Variants in COL23A1 observed in about 807,000 individuals in gnomAD.
COL23A1 encodes the protein collagen alpha-1(XXIII) chain.
In COL23A1, 97 loss-of-function variants were observed where a neutral mutation model predicts 99.3. The observed-to-expected ratio is 0.98, with a 90% CI of 0.83 to 1.16. The LOEUF (loss-of-function observed/expected upper bound fraction) is 1.16, where lower values mean the gene tolerates loss of function less well. Among genes scored for constraint, COL23A1 ranks in the 50% most tolerant of loss-of-function variants. The pLI, the probability that COL23A1 is intolerant of heterozygous loss-of-function variation, is 0.00. For missense variants in COL23A1, 762 were observed against 757.4 expected, an observed-to-expected ratio of 1.01 and a Z score of -0.07; for synonymous variants, 320 against 308.2, an observed-to-expected ratio of 1.04 and a Z score of -0.40.
At chr5:178,507,799 G>A (rs1290694077) in intron 2 of COL23A1, among the ~76,000 whole-genome samples, 2 of 152,150 alleles carry the variant, frequency 1.3e-5, no homozygotes. Context: ...GTGTTGATGT[G>A]GATTTCTTTT....
At chr5:178,249,716 A>ACACACACACTCT in intron 18 of COL23A1, among the ~76,000 whole-genome samples, 108 of 92,800 alleles carry the variant, frequency 1.2e-3, no homozygotes, top group African/African-American at 4.5e-3. Context: ...ACACACACAC[A>ACACACACACTCT]CTCTCTCTCT....
At chr5:178,472,357 C>T (rs1239857719) in intron 2 of COL23A1, among the ~76,000 whole-genome samples, 2 of 152,022 alleles carry the variant, frequency 1.3e-5, no homozygotes, top group Admixed American at 1.3e-4. Context: ...CTCCTGGGGC[C>T]CAGAGCAGGT....
At position 178,256,927 on chromosome 5, in the gene COL23A1, C is replaced by G; in HGVS notation, c.776G>C (p.Gly259Ala). The G allele has an allele frequency of 6.2e-7, 1 of 1,613,414 alleles. No individual in the cohort carries two copies. The highest frequency in any genetic ancestry group is 8.5e-7 in the Non-Finnish European group (1 of 1,179,810). The change falls in exon 14 of 29, where the codon GGC becomes GCC. Residue 259 changes from glycine (G) to alanine (A), a missense_variant and splice_region_variant. Transcript: ENST00000390654. Reference sequence around the variant, plus strand: ...CCGAGGCCCCATGCTCCCTGGCTCGCCCTGAAACAGACACAGCTGCAGTGA... The same window carrying G: ...CCGAGGCCCCATGCTCCCTGGCTCGGCCTGAAACAGACACAGCTGCAGTGA... ...PSQPGPPGPK[G>A]EPGSMGPRGE... is the part of the protein sequence containing the mutation.
In COL23A1 at chr5:178,590,102, C is replaced by A; in HGVS notation, c.96G>T (p.Gly32=). The stretch of plus-strand genomic sequence containing the variant: ...GGCACAGCGCGCTCACCGCCCGGGA[C>A]CCGGCCGTCGTCGCCGAGCGCCCTC... ...GGGGRSATTA[G]SRAVSALCLL... The change falls in exon 1 of 29, where the codon GGG becomes GGT. Residue 32 remains glycine, a synonymous_variant. Coordinates refer to ENST00000390654, the MANE Select transcript of COL23A1 (RefSeq NM_173465.4). This position sits in a 1 kb window ranked among gnomAD's most constrained non-coding sequence, Gnocchi z 5.7. 1.6e-6 allele frequency: 2 copies of A among 1,266,194 alleles called. No homozygotes were observed. The highest frequency in any genetic ancestry group is 2.6e-5 in the South Asian group (1 of 38,366). The allele number at this position is 1,266,194 out of a possible 1,614,324, so 78.4% of individuals were successfully genotyped here. A position where few individuals can be genotyped will look rare whatever the true frequency, so the allele number is the denominator to read the frequency against.
chr5:178,436,919 G>A (rs1227434079), intron 2 of COL23A1, among the ~76,000 whole-genome samples: 2 of 152,122 alleles, frequency 1.3e-5, no homozygotes, highest in Admixed American at 6.5e-5. Context: ...AGCTGGGGTC[G>A]ACCTGGCCTG....
Position 178,365,114 on chromosome 5 carries a change from C to T in COL23A1, c.362-58195G>A, listed in dbSNP as rs1411205935. Reference sequence around the variant, plus strand: ...CTTTGTAATTTCTCTTTGGGGTGGGCTTTATGATGTTGCTGTGTGTGCGTG... The same window carrying T: ...CTTTGTAATTTCTCTTTGGGGTGGGTTTTATGATGTTGCTGTGTGTGCGTG... On this transcript the variant is annotated intron_variant, in intron 2 of 28. Coordinates refer to ENST00000390654, the MANE Select transcript of COL23A1 (RefSeq NM_173465.4). The surrounding 1 kb of genome is among the most constrained non-coding windows in gnomAD (Gnocchi z 5.2). 6.7e-6 allele frequency among the ~76,000 whole-genome samples: 1 copy of T among 149,016 alleles called. No individual in the cohort carries two copies. Among genetic ancestry groups the T allele is most frequent in the Non-Finnish European group, 1.5e-5 (1 of 67,362 alleles).
intron 2 of COL23A1, among the ~76,000 whole-genome samples, chr5:178,409,428 A>G (rs982240733): frequency 6.6e-6 from 1 of 152,218 alleles, no homozygotes; most frequent in Admixed American, 6.5e-5. Flanking sequence ...GAGGTTGGAG[A>G]TGTTAGGAAC....
chr5:178,357,612 C>T (rs1248301453), intron 2 of COL23A1, among the ~76,000 whole-genome samples: 1 of 152,236 alleles, frequency 6.6e-6, no homozygotes, highest in Non-Finnish European at 1.5e-5. Context: ...TGATGGGTAT[C>T]ACCCTTGCTT....
intron 2 of COL23A1, among the ~76,000 whole-genome samples, chr5:178,419,460 C>T (rs962393494): frequency 6.6e-6 from 1 of 152,204 alleles, no homozygotes; most frequent in Non-Finnish European, 1.5e-5. Context: ...CTCGGCACCA[C>T]GACCTGAATT....
At chr5:178,254,257 C>T (rs2033202) in intron 16 of COL23A1, among the ~76,000 whole-genome samples, 43,579 of 148,950 alleles carry the variant, frequency 0.29, 6,970 homozygotes, top group African/African-American at 0.44. Context: ...ATGTGCCTGC[C>T]GTCTGGGCCA....
intron 18 of COL23A1, among the ~76,000 whole-genome samples, chr5:178,249,716 A>ACACTCACTCTCTCTCT: frequency 0.027 from 2,541 of 92,778 alleles, 42 homozygotes; most frequent in East Asian, 0.046. Context: ...ACACACACAC[A>ACACTCACTCTCTCTCT]CTCTCTCTCT....
chr5:178,487,440 C>T (rs2127963082), intron 2 of COL23A1, among the ~76,000 whole-genome samples: 1 of 152,198 alleles, frequency 6.6e-6, no homozygotes, highest in South Asian at 2.1e-4. Flanking sequence ...CTGCCTCAGC[C>T]TCCTGAGTAG....
chr5:178,408,187 T>C (rs575929327), intron 2 of COL23A1, among the ~76,000 whole-genome samples: 1 of 152,186 alleles, frequency 6.6e-6, no homozygotes, highest in Non-Finnish European at 1.5e-5. Flanking sequence ...TTTTTTCAAG[T>C]GCTCAAAGAA....
chr5:178,458,522 A>T (rs1218695017), intron 2 of COL23A1, among the ~76,000 whole-genome samples: 1 of 152,026 alleles, frequency 6.6e-6, no homozygotes, highest in Non-Finnish European at 1.5e-5. Context: ...CTATAATTCC[A>T]GCTACTCAGG....
chr5:178,492,362 G>A (rs1366253530), intron 2 of COL23A1, among the ~76,000 whole-genome samples: 3 of 152,104 alleles, frequency 2.0e-5, no homozygotes, highest in Admixed American at 6.6e-5. Flanking sequence ...AGAAGAGAAT[G>A]TTAGGACTCA....
In COL23A1 at chr5:178,589,298, T is replaced by G. The variant is rs140690876; in HGVS notation, c.294+606A>C. The stretch of plus-strand genomic sequence containing the variant: ...TCCAGGTCCTCCACCCCCGATTGTT[T>G]CTCCTTCCTCTCATCTTACCAAGTC... On this transcript the variant is annotated intron_variant, in intron 1 of 28. Transcript: ENST00000390654. This position sits in a 1 kb window ranked among gnomAD's most constrained non-coding sequence, Gnocchi z 5.4. Among the ~76,000 whole-genome samples the G allele has an allele frequency of 2.0e-5, 3 of 151,770 alleles. No homozygotes were observed. The highest frequency in any genetic ancestry group is 2.9e-5 in the Non-Finnish European group (2 of 67,886).
At chr5:178,510,251 C>G (rs1759124824) in intron 2 of COL23A1, among the ~76,000 whole-genome samples, 1 of 152,218 alleles carries the variant, frequency 6.6e-6, no homozygotes, top group Non-Finnish European at 1.5e-5. Flanking sequence ...AATTAGAACA[C>G]ACATTGGCGC....
intron 15 of COL23A1, among the ~76,000 whole-genome samples, 193 bp downstream of exon 15, chr5:178,256,160 T>TG (rs1765287825): frequency 6.6e-6 from 1 of 152,188 alleles, no homozygotes; most frequent in African/African-American, 2.4e-5. Flanking sequence ...CCTCCATATT[T>TG]GAACATTTTA....
chr5:178,350,915 A>C (rs1761286259), intron 2 of COL23A1: 1 of 152,264 alleles, frequency 6.6e-6, no homozygotes, highest in Non-Finnish European at 1.5e-5. Flanking sequence ...GACAGCAGCT[A>C]TCTATCCAAC....
Sources: gnomAD v4.1 joint callset for allele counts (sites outside exome capture counted in the v4.1 genomes callset) on GRCh38, gnomAD v4.1.1 for gene constraint, Gnocchi (gnomAD v3.1) non-coding constraint, MANE v1.5 for transcripts, NCBI Gene and HGNC (gene_info 2026-07-23, HGNC 2026-07-21) for gene names.